SMPX: variants seen among roughly 807,000 people sequenced by gnomAD.
SMPX encodes the protein small muscle protein X-linked.
A neutral mutation model predicts 6.3 loss-of-function variants in SMPX; 2 were observed. That is an observed-to-expected ratio of 0.32 (90% CI 0.13 to 0.99). SMPX has a LOEUF of 0.99. Ranked by LOEUF, SMPX falls within the 50% of genes least tolerant of loss-of-function variation. The probability of loss-of-function intolerance (pLI) is 0.49; values close to 1 mark genes in which losing one functional copy is unlikely to be tolerated. For missense variants in SMPX, 60 were observed against 66.8 expected (o/e 0.90, Z 0.36); for synonymous variants, 32 against 24.7 (o/e 1.30, Z -0.88).
At chrX:21,755,200 C>A (rs1468497330) in intron 1 of SMPX, among the ~76,000 whole-genome samples, 1 of 112,360 alleles carries the variant, frequency 8.9e-6, no homozygotes, top group African/African-American at 3.2e-5. Flanking sequence ...TATTAAATGT[C>A]AGCAGGACCA....
chrX:21,712,872 C>T (rs1279879732), intron 4 of SMPX, among the ~76,000 whole-genome samples: 1 of 112,348 alleles, frequency 8.9e-6, no homozygotes, highest in Non-Finnish European at 1.9e-5. Flanking sequence ...ATCAGAAGTA[C>T]CAAGAATCCT....
chrX:21,754,164 A>G (rs2092830289), intron 2 of SMPX, 82 bp downstream of exon 2: 1 of 832,586 alleles, frequency 1.2e-6, no homozygotes. Flanking sequence ...TTCTTCTTGA[A>G]GTTCACCATC....
In SMPX at chrX:21,737,647, C is replaced by T. The variant is rs772196556; in HGVS notation, c.183G>A (p.Lys61=). The T allele has an allele frequency of 9.9e-6, 12 of 1,207,692 alleles. No homozygotes were observed. The South Asian group carries it at 1.8e-4, about 18-fold the overall frequency. Residue 61 remains lysine, a synonymous_variant, in exon 4 of 5, where the codon AAG becomes AAA. Transcript: ENST00000379494. ...DEEKKPIPGA[K]KLPGPAVNLS... ...GATTGACTGCAGGTCCTGGAAGTTTCTTCGCTCCTGGAATTGGCTTCTTCT... is the reference window on the plus strand; with the variant it reads ...GATTGACTGCAGGTCCTGGAAGTTTTTTCGCTCCTGGAATTGGCTTCTTCT...
At chrX:21,748,555 C>T (rs753519737) in intron 2 of SMPX, among the ~76,000 whole-genome samples, 1 of 111,674 alleles carries the variant, frequency 9.0e-6, no homozygotes, top group Admixed American at 9.5e-5. Context: ...TGCTTTGCCT[C>T]GTGTCACAAA....
chrX:21,706,215 C>T lies in SMPX; in HGVS notation c.*194G>A. 4.0e-6 allele frequency: 2 copies of T among 506,048 alleles called. No homozygotes were observed. The allele number at this position is 506,048 out of a possible 1,213,427, so 41.7% of individuals were successfully genotyped here. A position where few individuals can be genotyped will look rare whatever the true frequency, so the allele number is the denominator to read the frequency against. ...ATGGGCTAATTTGTTCTGTGAGGTG[C>T]CAAAAATGAAGATAAAGTAAGAAAT... is the stretch of plus-strand genomic sequence containing the variant. On this transcript the variant is annotated 3_prime_UTR_variant, in exon 5 of 5. Transcript: ENST00000379494.
At chrX:21,717,782 C>G (rs2092786888) in intron 4 of SMPX, among the ~76,000 whole-genome samples, 1 of 112,276 alleles carries the variant, frequency 8.9e-6, no homozygotes, top group South Asian at 3.7e-4. Context: ...TAAGAGGCAA[C>G]AGAAAAGTTT....
At chrX:21,718,309 G>A (rs2092787542) in intron 4 of SMPX, among the ~76,000 whole-genome samples, 2 of 112,041 alleles carry the variant, frequency 1.8e-5, no homozygotes, top group African/African-American at 6.5e-5. Context: ...TGAAAAGAGG[G>A]GTCAAACATA....
intron 4 of SMPX, 118 bp downstream of exon 4, chrX:21,737,431 T>C (rs2092811585): frequency 2.9e-6 from 2 of 683,380 alleles, no homozygotes; most frequent in Non-Finnish European, 4.6e-6. Context: ...CTGACTTAAA[T>C]TGAAGGCACC....
intron 4 of SMPX, among the ~76,000 whole-genome samples, chrX:21,726,686 T>C (rs1229249609): frequency 1.8e-5 from 2 of 111,722 alleles, no homozygotes; most frequent in Non-Finnish European, 3.8e-5. Context: ...ATGCCAAGAG[T>C]ACCCACCCTG....
intron 4 of SMPX, among the ~76,000 whole-genome samples, chrX:21,731,516 G>A (rs780211646): frequency 1.2e-5 from 1 of 80,978 alleles, no homozygotes; most frequent in Admixed American, 1.4e-4. Context: ...CATTATGTGT[G>A]TATGTGTACA....
chrX:21,731,543 G>GTATGTGTACATATACACATTATGTGTA (rs1569306569), intron 4 of SMPX, among the ~76,000 whole-genome samples: 6 of 75,194 alleles, frequency 8.0e-5, no homozygotes, highest in Admixed American at 6.0e-4. Flanking sequence ...CATTATGTGT[G>GTATGTGTACATATACACATTATGTGTA]TATGTGTATA....
intron 4 of SMPX, among the ~76,000 whole-genome samples, chrX:21,734,958 C>T (rs987456980): frequency 7.2e-5 from 8 of 111,480 alleles, no homozygotes; most frequent in African/African-American, 2.0e-4. Flanking sequence ...GTGGACCTTG[C>T]GCCTTGTGGT....
rs2092818724 is a variant in SMPX at position 21,743,817 on chromosome X, A to G, written c.65T>C (p.Met22Thr). The G allele has an allele frequency of 1.7e-6, 2 of 1,206,146 alleles. No homozygotes were observed. Among genetic ancestry groups the G allele is most frequent in the Non-Finnish European group, 2.2e-6 (2 of 890,638 alleles). The change falls in exon 3 of 5, where the codon ATG (methionine) becomes ACG (threonine). Residue 22 changes from methionine (M) to threonine (T), a missense_variant. Coordinates refer to ENST00000379494, the MANE Select transcript of SMPX (RefSeq NM_014332.3). ...ACCTGCTCCTGGCCGAAAGGCTCCC[A>G]TTGGAATATTGATATTTGCCTAAAA... ...RAIQANINIP[M>T]GAFRPGAGQP...
chrX:21,742,727 C>T (rs901635408), intron 3 of SMPX, among the ~76,000 whole-genome samples: 19 of 111,501 alleles, frequency 1.7e-4, no homozygotes, highest in African/African-American at 5.6e-4. Context: ...TAATTTAGGA[C>T]GACATCAGGA....
At chrX:21,721,997 G>T (rs1172425144) in intron 4 of SMPX, among the ~76,000 whole-genome samples, 1 of 109,935 alleles carries the variant, frequency 9.1e-6, no homozygotes, top group Non-Finnish European at 1.9e-5. Context: ...CCCCATCTCT[G>T]CTTAAAAAAA....
intron 4 of SMPX, among the ~76,000 whole-genome samples, chrX:21,711,838 A>C (rs144641504): frequency 1.1e-3 from 125 of 112,510 alleles, no homozygotes; most frequent in African/African-American, 3.8e-3. Context: ...GCAGTGGCTC[A>C]TGGTCTGGTT....
At chrX:21,718,844 G>A (rs1287837096) in intron 4 of SMPX, among the ~76,000 whole-genome samples, 1 of 112,163 alleles carries the variant, frequency 8.9e-6, no homozygotes, top group African/African-American at 3.2e-5. Flanking sequence ...GTTAAGCTGA[G>A]CAGACATGAC....
At chrX:21,729,852 G>A (rs1045628972) in intron 4 of SMPX, among the ~76,000 whole-genome samples, 1 of 111,748 alleles carries the variant, frequency 8.9e-6, no homozygotes, top group African/African-American at 3.3e-5. Flanking sequence ...GGCTCTTAAA[G>A]CAACTGCCAC....
chrX:21,748,838 A>C (rs180799878), intron 2 of SMPX, among the ~76,000 whole-genome samples: 1 of 112,822 alleles, frequency 8.9e-6, no homozygotes, highest in Non-Finnish European at 1.9e-5. Flanking sequence ...TGTGATCATT[A>C]TGATTTTTAG....
Sources: allele counts gnomAD v4.1 joint callset (sites outside exome capture counted in the v4.1 genomes callset), GRCh38; gene constraint gnomAD v4.1.1; transcripts MANE v1.5; gene names NCBI Gene and HGNC (gene_info 2026-07-23, HGNC 2026-07-21).